OCA2: variants seen among roughly 807,000 people sequenced by gnomAD.
OCA2 encodes the protein P protein.
A neutral mutation model predicts 100.2 loss-of-function variants in OCA2; 77 were observed. The ratio of observed to expected loss-of-function variants is 0.77; its 90% confidence interval spans 0.64 to 0.93. The LOEUF (loss-of-function observed/expected upper bound fraction) is 0.93, where lower values mean the gene tolerates loss of function less well. Ranked by LOEUF, OCA2 falls within the 40% of genes least tolerant of loss-of-function variation. The pLI, the probability that OCA2 is intolerant of heterozygous loss-of-function variation, is 0.00. For missense variants in OCA2, 1,062 were observed against 1,089.1 expected (o/e 0.98, Z 0.35); for synonymous variants, 432 against 439.2 (o/e 0.98, Z 0.21).
intron 14 of OCA2, among the ~76,000 whole-genome samples, chr15:27,970,546 T>C (rs1274779403): frequency 6.6e-6 from 1 of 150,416 alleles, no homozygotes; most frequent in Non-Finnish European, 1.5e-5. Flanking sequence ...GTAAAGAATG[T>C]CCCAGCACGC....
intron 23 of OCA2, among the ~76,000 whole-genome samples, chr15:27,798,869 C>T (rs1189166306): frequency 3.9e-5 from 6 of 152,154 alleles, no homozygotes; most frequent in African/African-American, 1.4e-4. Context: ...AGTACAGAGA[C>T]ACAATGTAGC....
intron 23 of OCA2, among the ~76,000 whole-genome samples, chr15:27,781,718 C>A (rs2032550591): frequency 6.6e-6 from 1 of 151,836 alleles, no homozygotes; most frequent in African/African-American, 2.4e-5. Flanking sequence ...TGGTAAATAC[C>A]AGAAAGTAAA....
chr15:27,859,929 A>G (rs1595529840), intron 21 of OCA2, among the ~76,000 whole-genome samples: 1 of 152,338 alleles, frequency 6.6e-6, no homozygotes, highest in East Asian at 1.9e-4. Flanking sequence ...AAAGGATAAA[A>G]AAGGTTTTCT....
chr15:27,741,853 A>C, the OCA2 span, among the ~76,000 whole-genome samples: 1 of 152,222 alleles, frequency 6.6e-6, no homozygotes, highest in Admixed American at 6.5e-5. Context: ...GTGTCATACA[A>C]ATTGTTTTAG....
intron 5 of OCA2, among the ~76,000 whole-genome samples, chr15:28,024,227 T>C (rs1454033696): frequency 6.6e-6 from 1 of 152,180 alleles, no homozygotes; most frequent in East Asian, 1.9e-4. Context: ...CCCACTGCCA[T>C]GGGCTCACCA....
chr15:27,926,375 A>T, intron 18 of OCA2, 121 bp from the exon 19 acceptor site: 1 of 1,028,108 alleles, frequency 9.7e-7, no homozygotes, highest in Non-Finnish European at 1.5e-6. Flanking sequence ...AACCGCATAT[A>T]TGTAAAATGC....
chr15:27,954,235 A>T (rs1363817873), intron 17 of OCA2, among the ~76,000 whole-genome samples: 1 of 151,526 alleles, frequency 6.6e-6, no homozygotes, highest in Non-Finnish European at 1.5e-5. Flanking sequence ...ATTTCATCTC[A>T]CTGTAGTCCT....
chr15:27,978,348 A>G (rs2041035157), intron 14 of OCA2, among the ~76,000 whole-genome samples: 1 of 152,060 alleles, frequency 6.6e-6, no homozygotes, highest in Non-Finnish European at 1.5e-5. Context: ...ATCCTTGTAG[A>G]TTTTCTCTCT....
At position 27,966,733 on chromosome 15, in the gene OCA2, G is replaced by A; in HGVS notation, c.1593C>T (p.Tyr531=). Residue 531 remains tyrosine, a synonymous_variant, in exon 15 of 24, where the codon TAC becomes TAT. Coordinates refer to ENST00000354638, the MANE Select transcript of OCA2 (RefSeq NM_000275.3). Reference sequence around the variant, plus strand: ...CCTTGTTATAAAGCTTTCTGTTCCAGTAAAGGAGTCTGAGGAGCGGAAAGC... The same window carrying A: ...CCTTGTTATAAAGCTTTCTGTTCCAATAAAGGAGTCTGAGGAGCGGAAAGC... The part of the protein sequence containing the change: ...LVCFPLLRLL[Y]WNRKLYNKEP... 1 of 1,613,966 alleles carries A rather than the reference G, an allele frequency of 6.2e-7. No homozygotes were observed. Among genetic ancestry groups the A allele is most frequent in the South Asian group, 1.1e-5 (1 of 91,064 alleles).
At chr15:27,875,382 G>T (rs1205794681) in intron 19 of OCA2, among the ~76,000 whole-genome samples, 2 of 151,960 alleles carry the variant, frequency 1.3e-5, no homozygotes, top group African/African-American at 4.8e-5. Context: ...TCTATCTTTT[G>T]CCAGGACCAC....
At chr15:27,792,606 T>A (rs901263502) in intron 23 of OCA2, among the ~76,000 whole-genome samples, 3 of 152,128 alleles carry the variant, frequency 2.0e-5, no homozygotes, top group Non-Finnish European at 2.9e-5. Context: ...TTCCGAGACG[T>A]GCACCCTCCA....
At chr15:27,745,653 T>G in the OCA2 span, among the ~76,000 whole-genome samples, 1 of 152,342 alleles carries the variant, frequency 6.6e-6, no homozygotes, top group East Asian at 1.9e-4. Context: ...ATTTACGCTG[T>G]GTAGAGAATC....
At chr15:27,839,676 G>A (rs900993676) in intron 23 of OCA2, among the ~76,000 whole-genome samples, 1 of 158 alleles carries the variant, frequency 6.3e-3, no homozygotes, top group Non-Finnish European at 0.013. Flanking sequence ...TAAATAGTAA[G>A]AGATTCAAGG....
chr15:27,776,099 A>T (rs1226795978), intron 23 of OCA2, among the ~76,000 whole-genome samples: 1 of 152,176 alleles, frequency 6.6e-6, no homozygotes, highest in Non-Finnish European at 1.5e-5. Context: ...TAGCCTTTGT[A>T]GTCTGTCACC....
intron 23 of OCA2, among the ~76,000 whole-genome samples, chr15:27,819,221 G>A (rs903446657): frequency 6.6e-6 from 1 of 152,226 alleles, no homozygotes; most frequent in Non-Finnish European, 1.5e-5. Context: ...CTGTGAACCA[G>A]CCAGTCACCA....
At chr15:27,747,377 A>G in the OCA2 span, among the ~76,000 whole-genome samples, 1 of 152,266 alleles carries the variant, frequency 6.6e-6, no homozygotes, top group Non-Finnish European at 1.5e-5. Context: ...ACTTTGAAAA[A>G]GTAAGAAGCC....
intron 15 of OCA2, among the ~76,000 whole-genome samples, chr15:27,959,527 CTT>C (rs2040341158): frequency 6.6e-6 from 1 of 152,242 alleles, no homozygotes; most frequent in African/African-American, 2.4e-5. Context: ...GTACCAGAGA[CTT>C]TCCAGCCATT....
chr15:27,884,995 G>T (rs569675695), intron 19 of OCA2, among the ~76,000 whole-genome samples: 18 of 152,244 alleles, frequency 1.2e-4, no homozygotes, highest in African/African-American at 4.1e-4. Context: ...CTATGATGAA[G>T]CTTTACAGTG....
At chr15:27,922,211 C>T (rs2038882627) in intron 19 of OCA2, among the ~76,000 whole-genome samples, 1 of 152,230 alleles carries the variant, frequency 6.6e-6, no homozygotes, top group African/African-American at 2.4e-5. Context: ...TTCTTTAGAG[C>T]ACTTCCAGCA....
Sources: allele counts gnomAD v4.1 joint callset (sites outside exome capture counted in the v4.1 genomes callset), GRCh38; gene constraint gnomAD v4.1.1; transcripts MANE v1.5; gene names NCBI Gene and HGNC (gene_info 2026-07-23, HGNC 2026-07-21).